NUBPL: variants seen among roughly 807,000 people sequenced by gnomAD.
NUBPL encodes the protein NUBP iron-sulfur cluster assembly factor, mitochondrial, also known as iron-sulfur cluster transfer protein NUBPL.
Under a neutral mutation model 45.7 loss-of-function variants are expected in NUBPL, and 31 were observed. The ratio of observed to expected loss-of-function variants is 0.68; its 90% CI spans 0.51 to 0.92. NUBPL has a LOEUF of 0.92. NUBPL is among the 40% of genes least tolerant of loss of function. The pLI is 0.00. For missense variants in NUBPL, 401 were observed against 398.7 expected (o/e 1.01, Z -0.05); for synonymous variants, 144 against 140.9 (o/e 1.02, Z -0.15).
At chr14:31,763,318 T>C (rs1410215658) in intron 6 of NUBPL, among the ~76,000 whole-genome samples, 1 of 152,190 alleles carries the variant, frequency 6.6e-6, no homozygotes, top group African/African-American at 2.4e-5. Flanking sequence ...GGTACTAAAG[T>C]AAATAAAACT....
chr14:31,821,888 G>A (rs2040023728), intron 7 of NUBPL, among the ~76,000 whole-genome samples: 1 of 152,172 alleles, frequency 6.6e-6, no homozygotes, highest in Non-Finnish European at 1.5e-5. Context: ...TTGCAACAAC[G>A]TGGATGGAAC....
chr14:31,838,014 A>G (rs2040309359), intron 8 of NUBPL, among the ~76,000 whole-genome samples: 1 of 152,116 alleles, frequency 6.6e-6, no homozygotes, highest in East Asian at 1.9e-4. Context: ...GCAAACTTTA[A>G]CCAGGAACCA....
At chr14:31,612,686 A>G (rs925284995) in intron 4 of NUBPL, among the ~76,000 whole-genome samples, 1 of 151,952 alleles carries the variant, frequency 6.6e-6, no homozygotes, top group Non-Finnish European at 1.5e-5. Flanking sequence ...AGAAAAGAAA[A>G]GAAAAAAAAA....
At chr14:31,751,445 C>A (rs1326184810) in intron 6 of NUBPL, among the ~76,000 whole-genome samples, 1 of 152,264 alleles carries the variant, frequency 6.6e-6, no homozygotes, top group Non-Finnish European at 1.5e-5. Flanking sequence ...AACAATGGGG[C>A]CACAGGCCCC....
chr14:31,613,138 G>A (rs2034804951), intron 4 of NUBPL, among the ~76,000 whole-genome samples: 1 of 152,174 alleles, frequency 6.6e-6, no homozygotes, highest in Non-Finnish European at 1.5e-5. Flanking sequence ...CCTGTTATTT[G>A]CAACAACATG....
At position 31,677,872 on chromosome 14, in the gene NUBPL, G is replaced by T. The variant is rs1018758812; in HGVS notation, c.513+4298G>T. On this transcript the variant is annotated intron_variant, in intron 6 of 10. Transcript: ENST00000281081. Reference sequence around the variant, plus strand: ...GCAGGTGGCAAAGCGAGACAGGCTTGTGTCCTTTCCTCAGGGCAGTGAGTT... The same window carrying T: ...GCAGGTGGCAAAGCGAGACAGGCTTTTGTCCTTTCCTCAGGGCAGTGAGTT... 1.3e-4 allele frequency among the ~76,000 whole-genome samples: 20 copies of T among 152,332 alleles called. 1 individual carries two copies. The highest frequency in any genetic ancestry group is 1.3e-3 in the Admixed American group (20 of 15,302).
chr14:31,793,844 T>TA (rs1483293818), intron 7 of NUBPL, among the ~76,000 whole-genome samples: 10 of 126,296 alleles, frequency 7.9e-5, no homozygotes, highest in African/African-American at 3.3e-4. Context: ...TTTTTTTATT[T>TA]TTTTTTTTAT....
intron 6 of NUBPL, among the ~76,000 whole-genome samples, chr14:31,766,499 G>T (rs982167628): frequency 5.3e-5 from 8 of 152,188 alleles, no homozygotes; most frequent in Admixed American, 5.2e-4. Flanking sequence ...TTGCTCCAAA[G>T]AAATTTCTCT....
chr14:31,801,950 G>A (rs1467701609), intron 7 of NUBPL, among the ~76,000 whole-genome samples: 2 of 152,162 alleles, frequency 1.3e-5, no homozygotes, highest in Admixed American at 6.5e-5. Context: ...AATATTCATG[G>A]GCTCAAGAAA....
At chr14:31,814,185 T>C (rs2039870846) in intron 7 of NUBPL, among the ~76,000 whole-genome samples, 2 of 152,330 alleles carry the variant, frequency 1.3e-5, no homozygotes, top group African/African-American at 4.8e-5. Context: ...CCACAACCTC[T>C]CCAGCATCTG....
At chr14:31,735,955 T>C (rs2038156820) in intron 6 of NUBPL, among the ~76,000 whole-genome samples, 1 of 152,198 alleles carries the variant, frequency 6.6e-6, no homozygotes, top group African/African-American at 2.4e-5. Flanking sequence ...CACAAACTGC[T>C]ATGGTGGTGG....
intron 6 of NUBPL, among the ~76,000 whole-genome samples, chr14:31,736,746 G>T (rs1385277316): frequency 6.6e-6 from 1 of 152,218 alleles, no homozygotes; most frequent in East Asian, 1.9e-4. Context: ...TTTTAGCTTA[G>T]GGATATGTTT....
At chr14:31,587,620 A>G (rs1205539056) in intron 3 of NUBPL, among the ~76,000 whole-genome samples, 2 of 152,230 alleles carry the variant, frequency 1.3e-5, no homozygotes, top group African/African-American at 4.8e-5. Flanking sequence ...TCTAGGCTAT[A>G]ACATATGAGT....
At chr14:31,637,976 A>G (rs979961474) in intron 4 of NUBPL, among the ~76,000 whole-genome samples, 20 of 152,160 alleles carry the variant, frequency 1.3e-4, no homozygotes, top group Non-Finnish European at 2.1e-4. Flanking sequence ...TTGAGCCTAT[A>G]TGTGTCTCTG....
chr14:31,623,743 GA>G (rs1317069369), intron 4 of NUBPL, among the ~76,000 whole-genome samples: 1 of 152,136 alleles, frequency 6.6e-6, no homozygotes, highest in Non-Finnish European at 1.5e-5. Flanking sequence ...ATAGTAGTAT[GA>G]AAACGGACTA....
At chr14:31,637,409 T>C (rs1254798806) in intron 4 of NUBPL, among the ~76,000 whole-genome samples, 1 of 152,226 alleles carries the variant, frequency 6.6e-6, no homozygotes, top group Non-Finnish European at 1.5e-5. Flanking sequence ...TTGAGTGAGA[T>C]TCTTAATCCT....
rs115827160 is a variant in NUBPL, at chr14:31,769,100, A to T, written c.514-18680A>T. ...GAATTCTCATTGGTTTACACAAATA[A>T]CATTGATTAGTGATGGTAATACATT... On this transcript the variant is annotated intron_variant, in intron 6 of 10. Transcript: ENST00000281081. 8.6e-3 allele frequency among the ~76,000 whole-genome samples: 1,315 copies of T among 152,274 alleles called. 20 individuals are homozygous for T. Among genetic ancestry groups the T allele is most frequent in the African/African-American group, 0.03 (1,238 of 41,544 alleles).
At chr14:31,826,182 G>A (rs1372250586) in intron 7 of NUBPL, among the ~76,000 whole-genome samples, 5 of 151,996 alleles carry the variant, frequency 3.3e-5, no homozygotes, top group Admixed American at 3.3e-4. Flanking sequence ...AGGCAGTGGT[G>A]TGATCTCCGC....
chr14:31,806,892 A>T (rs1200076204), intron 7 of NUBPL, among the ~76,000 whole-genome samples: 2 of 152,180 alleles, frequency 1.3e-5, no homozygotes, highest in African/African-American at 4.8e-5. Flanking sequence ...TGTCCTTGTG[A>T]TAGTTTGCTC....
Sources: allele counts gnomAD v4.1 joint callset (sites outside exome capture counted in the v4.1 genomes callset), GRCh38; gene constraint gnomAD v4.1.1; transcripts MANE v1.5; gene names NCBI Gene and HGNC (gene_info 2026-07-23, HGNC 2026-07-21).